Variants in QRFPR observed in about 807,000 individuals in gnomAD.
QRFPR encodes pyroglutamylated RF-amide peptide receptor.
A neutral mutation model predicts 31.3 loss-of-function variants in QRFPR; 37 were observed. That is an observed-to-expected ratio of 1.18 (90% CI 0.91 to 1.56). The LOEUF (loss-of-function observed/expected upper bound fraction) is 1.56. Ranked by LOEUF, QRFPR falls within the 40% of genes most tolerant of loss-of-function variation. QRFPR has a pLI of 0.00. For synonymous variants in QRFPR, 197 were observed against 192.0 expected (o/e 1.03, Z -0.22); for missense variants, 542 against 532.5 (o/e 1.02, Z -0.18).
At chr4:121,380,167 GA>G (rs1726446043) in intron 1 of QRFPR, 140 bp downstream of exon 1, 1 of 624,074 alleles carries the variant, frequency 1.6e-6, no homozygotes, top group East Asian at 2.8e-5. Context: ...AGACGAGAGA[GA>G]GACAGACAGA....
intron 1 of QRFPR, among the ~76,000 whole-genome samples, chr4:121,343,643 T>C (rs918511930): frequency 1.7e-4 from 26 of 151,642 alleles, no homozygotes; most frequent in African/African-American, 6.3e-4. Context: ...TTAATCTGCA[T>C]ATTTATCCTA....
chr4:121,345,720 T>C (rs1307421149), intron 1 of QRFPR, among the ~76,000 whole-genome samples: 2 of 152,186 alleles, frequency 1.3e-5, no homozygotes, highest in African/African-American at 4.8e-5. Flanking sequence ...CTTAAATCAT[T>C]TATACAACTC....
intron 1 of QRFPR, among the ~76,000 whole-genome samples, chr4:121,357,034 T>G (rs773230399): frequency 6.6e-6 from 1 of 152,140 alleles, no homozygotes; most frequent in Non-Finnish European, 1.5e-5. Flanking sequence ...TACTCTATAC[T>G]AATGCACAGG....
chr4:121,365,524 TATTATATATAA>T lies in QRFPR; in HGVS notation c.340+14773_340+14783del, dbSNP rs1560743510. 1.2e-3 allele frequency among the ~76,000 whole-genome samples: 8 copies of T among 6,632 alleles called. 1 individual carries two copies. Among genetic ancestry groups the T allele is most frequent in the African/African-American group, 8.3e-3 (8 of 968 alleles). 4.4% of individuals were successfully genotyped at this position (6,632 alleles called of 152,430 possible). A position where few individuals can be genotyped will look rare whatever the true frequency, so the allele number is the denominator to read the frequency against. ...TAATATATATAATATATATTATATA[TATTATATATAA>T]TATATATTATATATAATATATAATA... On this transcript the variant is annotated intron_variant, in intron 1 of 5. Coordinates refer to ENST00000394427, the MANE Select transcript of QRFPR (RefSeq NM_198179.3).
intron 5 of QRFPR, 73 bp from the exon 6 acceptor site, chr4:121,329,787 G>A (rs1371176818): frequency 1.9e-6 from 2 of 1,074,802 alleles, no homozygotes; most frequent in African/African-American, 1.6e-5. Context: ...TTTGTCACCT[G>A]TCAAAGACTT....
chr4:121,339,821 G>C (rs182708268), intron 2 of QRFPR, among the ~76,000 whole-genome samples: 1 of 152,206 alleles, frequency 6.6e-6, no homozygotes, highest in African/African-American at 2.4e-5. Flanking sequence ...TGGGTGTGGT[G>C]GTGGGCACAT....
At position 121,380,186 on chromosome 4, in the gene QRFPR, GGAGAGAGAGAGAGAGAGAGAGA is replaced by G. The variant is rs70950816; in HGVS notation, c.340+100_340+121del. ...GAGAGAGAGACAGACAGACGAGAGA[GGAGAGAGAGAGAGAGAGAGAGA>G]GAGAGAGAGAGAGAGAGAGAGAGAG... On this transcript the variant is annotated intron_variant, in intron 1 of 5. Transcript: ENST00000394427. 148 of 236,450 alleles carry G rather than the reference GGAGAGAGAGAGAGAGAGAGAGA, an allele frequency of 6.3e-4. 1 individual carries two copies. The highest frequency in any genetic ancestry group is 3.0e-3 in the African/African-American group (40 of 13,438). 14.6% of individuals were successfully genotyped at this position (236,450 alleles called of 1,614,324 possible). A position where few individuals can be genotyped will look rare whatever the true frequency, so the allele number is the denominator to read the frequency against.
chr4:121,371,348 T>G (rs1174723424), intron 1 of QRFPR, among the ~76,000 whole-genome samples: 1 of 152,226 alleles, frequency 6.6e-6, no homozygotes, highest in African/African-American at 2.4e-5. Context: ...ACAAATAGTA[T>G]AGCTTCTGCT....
At chr4:121,347,383 A>C (rs1270532785) in intron 1 of QRFPR, among the ~76,000 whole-genome samples, 1 of 151,952 alleles carries the variant, frequency 6.6e-6, no homozygotes, top group African/African-American at 2.4e-5. Flanking sequence ...TAATTTATTG[A>C]TTTCAGATGA....
intron 2 of QRFPR, among the ~76,000 whole-genome samples, chr4:121,338,558 G>A (rs1448401064): frequency 1.3e-5 from 2 of 152,200 alleles, no homozygotes; most frequent in East Asian, 3.9e-4. Context: ...TGTATTTTAT[G>A]CGTAGCCCAA....
chr4:121,332,898 T>C lies in QRFPR; in HGVS notation c.720A>G (p.Glu240=), dbSNP rs1725356611. The C allele has an allele frequency of 6.2e-7, 1 of 1,614,006 alleles. No homozygotes were observed. Among genetic ancestry groups the C allele is most frequent in the African/African-American group, 1.3e-5 (1 of 74,926 alleles). Residue 240 remains glutamate, a synonymous_variant, in exon 4 of 6, where the codon GAA becomes GAG. Transcript: ENST00000394427. ...MLILYSKIGY[E]LWIKKRVGDG... ...CCCCAACTCTTTTCTTTATCCAAAG[T>C]TCATAACCAATTTTACTGTACAGAA...
intron 3 of QRFPR, among the ~76,000 whole-genome samples, chr4:121,336,138 G>A (rs193077537): frequency 6.6e-6 from 1 of 152,052 alleles, no homozygotes; most frequent in Non-Finnish European, 1.5e-5. Flanking sequence ...CTTATCTTAG[G>A]GGGTATGTAA....
At chr4:121,370,085 T>C (rs2110483789) in intron 1 of QRFPR, 2 of 771,906 alleles carry the variant, frequency 2.6e-6, no homozygotes, top group South Asian at 2.7e-5. Context: ...ACACTGTCAA[T>C]GGCCGATGAC....
chr4:121,379,055 A>C (rs1471235730), intron 1 of QRFPR, among the ~76,000 whole-genome samples: 1 of 152,202 alleles, frequency 6.6e-6, no homozygotes. Context: ...AAAATGCCCA[A>C]ATACAATTAC....
intron 1 of QRFPR, among the ~76,000 whole-genome samples, chr4:121,357,420 T>TA (rs996230307): frequency 5.3e-5 from 8 of 151,372 alleles, no homozygotes; most frequent in South Asian, 2.1e-4. Context: ...TAAGGTAAAA[T>TA]AAAAAAAAAT....
At chr4:121,365,504 T>A (rs1477344493) in intron 1 of QRFPR, among the ~76,000 whole-genome samples, 5 of 1,168 alleles carry the variant, frequency 4.3e-3, no homozygotes, top group African/African-American at 0.016. Flanking sequence ...ATATATAATA[T>A]ATATAATATA....
intron 1 of QRFPR, among the ~76,000 whole-genome samples, chr4:121,378,805 T>G (rs1412335302): frequency 1.3e-5 from 2 of 152,200 alleles, no homozygotes; most frequent in Non-Finnish European, 2.9e-5. Flanking sequence ...TTAACATGTA[T>G]TACAGCCAAA....
chr4:121,344,278 T>C (rs376034645), intron 1 of QRFPR, among the ~76,000 whole-genome samples: 15 of 152,278 alleles, frequency 9.9e-5, no homozygotes, highest in South Asian at 8.3e-4. Context: ...CAGACTCCAG[T>C]TCCTTCCATT....
rs1560749216 is a variant in QRFPR at position 121,380,202 on chromosome 4, AGAGAGAGAGAGAG to A, written c.340+93_340+105del. 12 of 198,020 alleles carry A rather than the reference AGAGAGAGAGAGAG, an allele frequency of 6.1e-5. No individual in the cohort carries two copies. In the African/African-American group the frequency reaches 6.9e-4, roughly 11 times the overall value. The allele number at this position is 198,020 out of a possible 1,614,324, so 12.3% of individuals were successfully genotyped here. ...GACGAGAGAGGAGAGAGAGAGAGAG[AGAGAGAGAGAGAG>A]AGAGAGAGAGAGAGAGAGAGAGAGA... On this transcript the variant is annotated intron_variant, in intron 1 of 5. Transcript: ENST00000394427.
Sources: gnomAD v4.1 joint callset for allele counts (sites outside exome capture counted in the v4.1 genomes callset) on GRCh38, gnomAD v4.1.1 for gene constraint, MANE v1.5 for transcripts, NCBI Gene and HGNC (gene_info 2026-07-23, HGNC 2026-07-21) for gene names.